GALNTL6: variants seen among roughly 807,000 people sequenced by gnomAD.
GALNTL6 encodes polypeptide N-acetylgalactosaminyltransferase-like 6.
Under a neutral mutation model 73.7 loss-of-function variants are expected in GALNTL6, and 46 were observed. The observed-to-expected ratio is 0.62, with a 90% CI of 0.49 to 0.80. The LOEUF (loss-of-function observed/expected upper bound fraction) is 0.80. Ranked by LOEUF, GALNTL6 falls within the 30% of genes least tolerant of loss-of-function variation. The pLI is 0.00. For synonymous variants in GALNTL6, 259 were observed against 263.7 expected (o/e 0.98, Z 0.17); for missense variants, 604 against 755.0 (o/e 0.80, Z 2.34).
chr4:172,046,633 A>G (rs1175401622), intron 2 of GALNTL6, among the ~76,000 whole-genome samples: 6 of 152,274 alleles, frequency 3.9e-5, no homozygotes, highest in South Asian at 4.1e-4. Context: ...CATGTTGAGC[A>G]TTTTAAAAAT....
intron 8 of GALNTL6, 114 bp from the exon 9 acceptor site, chr4:172,931,047 A>C (rs528036578): frequency 2.9e-6 from 2 of 691,164 alleles, no homozygotes; most frequent in African/African-American, 3.6e-5. Flanking sequence ...TAATAAGTAG[A>C]AATTATTGAT....
chr4:172,545,299 T>C (rs2110884901), intron 5 of GALNTL6, among the ~76,000 whole-genome samples: 1 of 152,278 alleles, frequency 6.6e-6, no homozygotes, highest in South Asian at 2.1e-4. Context: ...CTTTATAATT[T>C]CTTTCACTCT....
At chr4:172,190,910 G>A (rs1041742439) in intron 2 of GALNTL6, among the ~76,000 whole-genome samples, 2 of 152,168 alleles carry the variant, frequency 1.3e-5, no homozygotes, top group African/African-American at 2.4e-5. Flanking sequence ...CCAAAGGAAA[G>A]ATTTTATTCT....
intron 2 of GALNTL6, chr4:171,815,183 G>C (rs945992918): frequency 1.7e-5 from 3 of 173,020 alleles, no homozygotes; most frequent in African/African-American, 7.1e-5. Flanking sequence ...TCAGTATTTT[G>C]GTTGTAAATT....
At chr4:172,294,481 T>A (rs1237218948) in intron 3 of GALNTL6, among the ~76,000 whole-genome samples, 3 of 152,006 alleles carry the variant, frequency 2.0e-5, no homozygotes, top group Non-Finnish European at 4.4e-5. Context: ...TTTGAGTTAA[T>A]AAAACAAGGG....
intron 2 of GALNTL6, among the ~76,000 whole-genome samples, chr4:172,165,591 CT>C (rs1734597609): frequency 6.6e-6 from 1 of 152,088 alleles, no homozygotes; most frequent in Admixed American, 6.6e-5. Context: ...AATGGTAGCA[CT>C]GTTTTACTAT....
At chr4:172,053,276 G>A (rs1730928904) in intron 2 of GALNTL6, among the ~76,000 whole-genome samples, 1 of 152,086 alleles carries the variant, frequency 6.6e-6, no homozygotes, top group Admixed American at 6.6e-5. Context: ...CAGACATGGT[G>A]TTTTTTTAAA....
chr4:172,080,733 C>T (rs962568513), intron 2 of GALNTL6, among the ~76,000 whole-genome samples: 4 of 151,594 alleles, frequency 2.6e-5, no homozygotes, highest in Non-Finnish European at 5.9e-5. Context: ...CTGATTTATT[C>T]AGAGTCATTA....
chr4:172,956,162 G>A (rs1022820598), intron 10 of GALNTL6, among the ~76,000 whole-genome samples: 44 of 152,238 alleles, frequency 2.9e-4, no homozygotes, highest in African/African-American at 9.9e-4. Flanking sequence ...GATAATGCGC[G>A]ATGTTTCTCA....
intron 3 of GALNTL6, among the ~76,000 whole-genome samples, chr4:172,243,304 A>G (rs1737511943): frequency 6.6e-6 from 1 of 152,136 alleles, no homozygotes; most frequent in African/African-American, 2.4e-5. Flanking sequence ...TCACCATATT[A>G]TCATATGTGG....
chr4:172,695,400 A>G (rs17058765), intron 5 of GALNTL6, among the ~76,000 whole-genome samples: 6,905 of 152,332 alleles, frequency 0.045, 312 homozygotes, highest in African/African-American at 0.11. Context: ...ATAACATTTT[A>G]AACCATTTTA....
At chr4:172,998,833 C>T (rs1349622589) in intron 10 of GALNTL6, among the ~76,000 whole-genome samples, 1 of 151,998 alleles carries the variant, frequency 6.6e-6, no homozygotes, top group Non-Finnish European at 1.5e-5. Context: ...CCCTGGAGTT[C>T]CCCCCTCAAT....
Position 172,414,275 on chromosome 4 carries a change from A to G in GALNTL6, c.553+65586A>G, listed in dbSNP as rs182993707. ...CTTTCTCATTTACAAAAATAAGGTG[A>G]TGCTATCTTTGCTGCTTTTCGTACA... On this transcript the variant is annotated intron_variant, in intron 5 of 12. Coordinates refer to ENST00000506823, the MANE Select transcript of GALNTL6 (RefSeq NM_001034845.3). Among the ~76,000 whole-genome samples, 9 of 152,254 alleles carry G rather than the reference A, an allele frequency of 5.9e-5. No homozygotes were observed. In the East Asian group the frequency reaches 1.7e-3, roughly 29 times the overall value.
chr4:172,395,928 A>G (rs918949165), intron 5 of GALNTL6, among the ~76,000 whole-genome samples: 5 of 152,146 alleles, frequency 3.3e-5, no homozygotes, highest in Admixed American at 1.3e-4. Context: ...TCACTGCTTC[A>G]TTCTCTGACT....
At chr4:172,409,694 T>TA (rs1744363433) in intron 5 of GALNTL6, among the ~76,000 whole-genome samples, 1 of 152,048 alleles carries the variant, frequency 6.6e-6, no homozygotes, top group Non-Finnish European at 1.5e-5. Context: ...TCTTTCCATA[T>TA]ACATTTCCTG....
chr4:172,605,064 G>A (rs1738203682), intron 5 of GALNTL6, among the ~76,000 whole-genome samples: 1 of 152,180 alleles, frequency 6.6e-6, no homozygotes, highest in African/African-American at 2.4e-5. Context: ...ATAAAAAATA[G>A]AAGATACCAC....
intron 5 of GALNTL6, among the ~76,000 whole-genome samples, chr4:172,791,441 A>G (rs1404509413): frequency 2.0e-5 from 3 of 152,206 alleles, no homozygotes; most frequent in Non-Finnish European, 4.4e-5. Context: ...TGGGTGCATG[A>G]GTGATTTGGT....
chr4:172,497,014 C>A (rs1213054043), intron 5 of GALNTL6, among the ~76,000 whole-genome samples: 1 of 152,178 alleles, frequency 6.6e-6, no homozygotes, highest in Admixed American at 6.6e-5. Context: ...ATCACAGTGA[C>A]TTCCTAAAAG....
intron 2 of GALNTL6, among the ~76,000 whole-genome samples, chr4:172,071,556 A>C (rs528051773): frequency 9.1e-6 from 1 of 109,880 alleles, no homozygotes; most frequent in East Asian, 2.1e-4. Context: ...TGCTTTTCTC[A>C]TTGGGTTCCA....
Sources: gnomAD v4.1 joint callset for allele counts (sites outside exome capture counted in the v4.1 genomes callset) on GRCh38, gnomAD v4.1.1 for gene constraint, MANE v1.5 for transcripts, NCBI Gene and HGNC (gene_info 2026-07-23, HGNC 2026-07-21) for gene names.